The following HDX variants were observed in gnomAD, a reference collection of about 807,000 sequenced individuals.
The protein encoded by HDX is highly divergent homeobox, also known as chromosome X open reading frame 43.
A neutral mutation model predicts 45.2 loss-of-function variants in HDX; 19 were observed. That is an observed-to-expected ratio of 0.42 (90% CI 0.29 to 0.62). HDX has a LOEUF of 0.62. Ranked by LOEUF, HDX falls within the 20% of genes least tolerant of loss-of-function variation. The probability of loss-of-function intolerance (pLI) is 0.20; values close to 1 mark genes in which losing one functional copy is unlikely to be tolerated. For synonymous variants in HDX, 188 were observed against 172.8 expected, an observed-to-expected ratio of 1.09 and a Z score of -0.69; for missense variants, 532 against 493.9, an observed-to-expected ratio of 1.08 and a Z score of -0.73.
At chrX:84,442,104 A>T (rs1413582402) in intron 4 of HDX, among the ~76,000 whole-genome samples, 1 of 111,290 alleles carries the variant, frequency 9.0e-6, no homozygotes, top group Non-Finnish European at 1.9e-5. Context: ...CATAGGACAC[A>T]CAAGAATTGG....
chrX:84,328,062 C>T lies in HDX; in HGVS notation c.1825-1762G>A, dbSNP rs186949472. ...TGAACTCCTGGTCTCAAGCGATCCT[C>T]CCACATCAGTCTCCCAAAGTGTTGG... On this transcript the variant is annotated intron_variant, in intron 9 of 10. Transcript: ENST00000373177. 3.0e-3 allele frequency among the ~76,000 whole-genome samples: 331 copies of T among 111,010 alleles called. 1 individual carries two copies. The highest frequency in any genetic ancestry group is 0.011 in the African/African-American group (327 of 30,499).
chrX:84,382,958 C>A (rs370532215), intron 5 of HDX, among the ~76,000 whole-genome samples: 1 of 110,671 alleles, frequency 9.0e-6, no homozygotes, highest in Non-Finnish European at 1.9e-5. Context: ...ACATCTCATG[C>A]GCCGCATAAT....
chrX:84,448,724 C>T (rs1159386598), intron 4 of HDX, among the ~76,000 whole-genome samples: 2 of 110,704 alleles, frequency 1.8e-5, no homozygotes, highest in Non-Finnish European at 3.8e-5. Flanking sequence ...AATGAAAATA[C>T]ATAACATGAA....
chrX:84,459,530 T>A (rs1483994663), intron 4 of HDX, among the ~76,000 whole-genome samples: 1 of 109,455 alleles, frequency 9.1e-6, no homozygotes, highest in Non-Finnish European at 1.9e-5. Context: ...ACCCAAACAA[T>A]GGGATATAGC....
intron 5 of HDX, among the ~76,000 whole-genome samples, chrX:84,365,414 G>T (rs749553721): frequency 9.0e-6 from 1 of 111,174 alleles, no homozygotes; most frequent in South Asian, 3.8e-4. Context: ...ATACTCACAG[G>T]CTGAGGACAT....
intron 1 of HDX, among the ~76,000 whole-genome samples, chrX:84,499,335 C>T (rs1272920111): frequency 2.7e-5 from 3 of 111,258 alleles, no homozygotes; most frequent in Non-Finnish European, 5.7e-5. Flanking sequence ...CCTTAAAAAA[C>T]GCATGTCACA....
In HDX at chrX:84,345,628, C is replaced by T. The variant is rs181168080; in HGVS notation, c.1453-1171G>A. On this transcript the variant is annotated intron_variant, in intron 6 of 10. Transcript: ENST00000373177. ...TACAGGTTTTGTGTAGACATAGTTT[C>T]TATTTTTCTAGGATAAATGCACAAG... Among the ~76,000 whole-genome samples the T allele has an allele frequency of 2.7e-3, 297 of 111,663 alleles. 2 individuals are homozygous for T. Among genetic ancestry groups the T allele is most frequent in the African/African-American group, 9.3e-3 (287 of 30,857 alleles).
chrX:84,344,638 T>C (rs1535040), intron 6 of HDX, among the ~76,000 whole-genome samples, 181 bp from the exon 7 acceptor site: 1 of 111,198 alleles, frequency 9.0e-6, no homozygotes, highest in Admixed American at 9.6e-5. Context: ...TATATTTTTA[T>C]AACTTATTTT....
At chrX:84,339,690 C>T (rs963524939) in intron 7 of HDX, among the ~76,000 whole-genome samples, 1 of 111,073 alleles carries the variant, frequency 9.0e-6, no homozygotes, top group South Asian at 3.7e-4. Context: ...GGAATAATTA[C>T]CCAGTAAAAA....
intron 3 of HDX, among the ~76,000 whole-genome samples, chrX:84,474,704 G>A (rs2040515020): frequency 1.8e-5 from 2 of 112,224 alleles, no homozygotes; most frequent in Admixed American, 1.9e-4. Context: ...GAATGTAGCA[G>A]CTCTGATTTT....
intron 1 of HDX, among the ~76,000 whole-genome samples, chrX:84,490,223 G>C (rs1309210986): frequency 9.1e-6 from 1 of 109,447 alleles, no homozygotes; most frequent in Non-Finnish European, 1.9e-5. Flanking sequence ...TTTGTTCATT[G>C]CTTTTCTGTT....
intron 6 of HDX, among the ~76,000 whole-genome samples, chrX:84,353,154 C>T (rs1012326844): frequency 4.6e-4 from 51 of 111,422 alleles, no homozygotes; most frequent in African/African-American, 1.6e-3. Context: ...TTGGATATTC[C>T]TCAAAACTAG....
intron 5 of HDX, among the ~76,000 whole-genome samples, chrX:84,417,207 GA>G (rs1259946561): frequency 3.3e-5 from 2 of 61,464 alleles, no homozygotes; most frequent in Middle Eastern, 0.017. Flanking sequence ...AAAGAAGAAA[GA>G]AAAAAAAGAG....
At chrX:84,399,303 A>T (rs375494812) in intron 5 of HDX, among the ~76,000 whole-genome samples, 11 of 109,832 alleles carry the variant, frequency 1.0e-4, no homozygotes, top group African/African-American at 3.6e-4. Flanking sequence ...AAATTAACGA[A>T]ATAGTCCACT....
intron 2 of HDX, among the ~76,000 whole-genome samples, chrX:84,478,548 C>CA (rs1386763037): frequency 1.8e-5 from 2 of 111,648 alleles, no homozygotes; most frequent in African/African-American, 3.3e-5. Flanking sequence ...TGAAAAGTAC[C>CA]AAAAAATTTA....
chrX:84,498,768 A>G (rs1225924272), intron 1 of HDX, among the ~76,000 whole-genome samples: 1 of 110,134 alleles, frequency 9.1e-6, no homozygotes, highest in Non-Finnish European at 1.9e-5. Context: ...TTATTTGGGT[A>G]ATCTTACAAA....
intron 3 of HDX, 33 bp from the exon 4 acceptor site, chrX:84,469,608 AAATT>A: frequency 9.0e-7 from 1 of 1,112,355 alleles, no homozygotes; most frequent in Non-Finnish European, 1.2e-6. Flanking sequence ...TATGAAAAAA[AAATT>A]AAAAACAAAC....
chrX:84,435,500 A>C (rs1324931518), intron 5 of HDX, among the ~76,000 whole-genome samples: 4 of 109,745 alleles, frequency 3.6e-5, no homozygotes, highest in Non-Finnish European at 5.7e-5. Context: ...ATTTTCTCCC[A>C]CGTTGTAGGT....
At chrX:84,372,434 C>A (rs1412586439) in intron 5 of HDX, among the ~76,000 whole-genome samples, 1 of 111,443 alleles carries the variant, frequency 9.0e-6, no homozygotes, top group Non-Finnish European at 1.9e-5. Flanking sequence ...TGTCAGCTGG[C>A]CACTTCACAT....
Sources: allele counts gnomAD v4.1 joint callset (sites outside exome capture counted in the v4.1 genomes callset), GRCh38; gene constraint gnomAD v4.1.1; transcripts MANE v1.5; gene names NCBI Gene and HGNC (gene_info 2026-07-23, HGNC 2026-07-21).